PTPRG: variants seen among roughly 807,000 people sequenced by gnomAD.
PTPRG encodes protein tyrosine phosphatase receptor type G.
Under a neutral mutation model 165.3 loss-of-function variants are expected in PTPRG, and 102 were observed. The ratio of observed to expected loss-of-function variants is 0.62; its 90% confidence interval spans 0.53 to 0.73. The LOEUF is 0.73. Ranked by LOEUF, PTPRG falls within the 30% of genes least tolerant of loss-of-function variation. PTPRG has a pLI of 0.00. For missense variants in PTPRG, 1,866 were observed against 1,861.4 expected, an observed-to-expected ratio of 1.00 and a Z score of -0.05; for synonymous variants, 675 against 669.5, an observed-to-expected ratio of 1.01 and a Z score of -0.13.
chr3:61,660,979 G>A (rs190721327), intron 1 of PTPRG, among the ~76,000 whole-genome samples: 17 of 152,200 alleles, frequency 1.1e-4, no homozygotes, highest in African/African-American at 2.4e-4. Flanking sequence ...CTCCAGCCTG[G>A]GCCATAGAGT....
chr3:62,082,958 T>C (rs929193532), intron 5 of PTPRG, among the ~76,000 whole-genome samples: 1 of 152,324 alleles, frequency 6.6e-6, no homozygotes, highest in Admixed American at 6.5e-5. Flanking sequence ...TTTGGGTTTG[T>C]TCCCTATCGA....
chr3:61,833,099 A>G (rs1474755288), intron 2 of PTPRG, among the ~76,000 whole-genome samples: 2 of 104,888 alleles, frequency 1.9e-5, no homozygotes, highest in East Asian at 2.8e-4. Context: ...GTGTGTGTAC[A>G]CAGTTTCTTT....
At chr3:61,642,843 A>T (rs544027723) in intron 1 of PTPRG, among the ~76,000 whole-genome samples, 1 of 152,282 alleles carries the variant, frequency 6.6e-6, no homozygotes, top group African/African-American at 2.4e-5. Context: ...CCATCAATGA[A>T]TTGATGGATC....
At chr3:62,010,904 G>T (rs1410318129) in intron 4 of PTPRG, among the ~76,000 whole-genome samples, 1 of 152,166 alleles carries the variant, frequency 6.6e-6, no homozygotes, top group Non-Finnish European at 1.5e-5. Context: ...AGCTAAGCAA[G>T]GTCCAGGTTC....
At chr3:62,052,032 A>G (rs1700483780) in intron 4 of PTPRG, among the ~76,000 whole-genome samples, 1 of 152,224 alleles carries the variant, frequency 6.6e-6, no homozygotes, top group Admixed American at 6.5e-5. Flanking sequence ...GAGTAAAAAA[A>G]GGATCTAATC....
chr3:61,581,286 G>C (rs1182669497), intron 1 of PTPRG, among the ~76,000 whole-genome samples: 1 of 152,188 alleles, frequency 6.6e-6, no homozygotes, highest in Non-Finnish European at 1.5e-5. Context: ...TGCCACACCT[G>C]TTAATTAGTT....
rs577740461 is a variant in PTPRG at position 62,136,150 on chromosome 3, C to G, written c.682+3482C>G. Among the ~76,000 whole-genome samples the G allele has an allele frequency of 3.3e-5, 5 of 152,294 alleles. No homozygotes were observed. The South Asian group carries it at 1.0e-3, about 32-fold the overall frequency. ...CACACTCCCGTAGTGCTCAGAGATT[C>G]TTACAAACAGTCCTGGCTCATTCTG... On this transcript the variant is annotated intron_variant, in intron 6 of 29. Coordinates refer to ENST00000474889, the MANE Select transcript of PTPRG (RefSeq NM_002841.4).
intron 8 of PTPRG, among the ~76,000 whole-genome samples, chr3:62,172,624 C>G (rs1484183167): frequency 1.3e-5 from 2 of 152,156 alleles, no homozygotes; most frequent in African/African-American, 2.4e-5. Context: ...CCAAAAGATG[C>G]TGACACATCA....
chr3:62,090,701 C>T (rs1457299020), intron 5 of PTPRG, among the ~76,000 whole-genome samples: 2 of 152,190 alleles, frequency 1.3e-5, no homozygotes, highest in Non-Finnish European at 1.5e-5. Flanking sequence ...GCTCATGTGT[C>T]AGCGCCTCTG....
intron 14 of PTPRG, among the ~76,000 whole-genome samples, chr3:62,239,301 T>G (rs1701101705): frequency 6.6e-6 from 1 of 151,982 alleles, no homozygotes; most frequent in Admixed American, 6.6e-5. Flanking sequence ...GCACGCTCAG[T>G]GACACACGTA....
chr3:62,078,324 G>T lies in PTPRG; in HGVS notation c.615+66G>T, dbSNP rs939803252. 3 of 1,158,810 alleles carry T rather than the reference G, an allele frequency of 2.6e-6. No homozygotes were observed. In the Admixed American group the frequency reaches 7.0e-5, roughly 27 times the overall value. The allele number at this position is 1,158,810 out of a possible 1,614,324, so 71.8% of individuals were successfully genotyped here. On this transcript the variant is annotated intron_variant, in intron 5 of 29. Coordinates refer to ENST00000474889, the MANE Select transcript of PTPRG (RefSeq NM_002841.4). ...AGTATTTTTTTTAATTTGCCGAATT[G>T]TTCCATGTTTAATGAATGCATCTGT...
At chr3:61,749,185 C>G (rs187015331) in intron 2 of PTPRG, 2 of 671,738 alleles carry the variant, frequency 3.0e-6, no homozygotes, top group East Asian at 5.7e-5. Flanking sequence ...GTTTCCTCAA[C>G]CTGTTTTCCC....
intron 1 of PTPRG, among the ~76,000 whole-genome samples, chr3:61,709,256 G>C (rs1335657062): frequency 1.3e-5 from 2 of 152,080 alleles, no homozygotes; most frequent in East Asian, 3.9e-4. Flanking sequence ...GGCCATATAT[G>C]GCTTATTGGC....
chr3:61,743,792 C>G (rs1003689413), intron 1 of PTPRG, among the ~76,000 whole-genome samples: 2 of 152,146 alleles, frequency 1.3e-5, no homozygotes, highest in African/African-American at 4.8e-5. Flanking sequence ...TAACCATAGG[C>G]AGATTTACAC....
intron 5 of PTPRG, among the ~76,000 whole-genome samples, chr3:62,090,830 A>G (rs1196133839): frequency 1.3e-5 from 2 of 152,152 alleles, no homozygotes; most frequent in Non-Finnish European, 2.9e-5. Context: ...TGATTCTGAA[A>G]TCCATGTCTG....
intron 23 of PTPRG, among the ~76,000 whole-genome samples, chr3:62,274,568 A>C (rs1473186909): frequency 6.6e-6 from 1 of 152,152 alleles, no homozygotes; most frequent in Non-Finnish European, 1.5e-5. Flanking sequence ...GTATGTAAAT[A>C]GTTTCTCCCT....
intron 2 of PTPRG, among the ~76,000 whole-genome samples, chr3:61,790,520 C>T (rs143855047): frequency 6.6e-6 from 1 of 152,270 alleles, no homozygotes; most frequent in African/African-American, 2.4e-5. Flanking sequence ...GAAAAAGAAC[C>T]ATGGAAAGCA....
chr3:61,672,507 T>A (rs1267296455), intron 1 of PTPRG, among the ~76,000 whole-genome samples: 1 of 148,276 alleles, frequency 6.7e-6, no homozygotes, highest in African/African-American at 2.5e-5. Flanking sequence ...CACTCGCGGT[T>A]AGGAGCTGGA....
chr3:61,596,648 G>C (rs146382338), intron 1 of PTPRG, among the ~76,000 whole-genome samples: 43 of 152,270 alleles, frequency 2.8e-4, no homozygotes, highest in Admixed American at 5.9e-4. Context: ...GTCACTGTGA[G>C]TTGGTGGGAG....
Sources: allele counts gnomAD v4.1 joint callset (sites outside exome capture counted in the v4.1 genomes callset), GRCh38; gene constraint gnomAD v4.1.1; transcripts MANE v1.5; gene names NCBI Gene and HGNC (gene_info 2026-07-23, HGNC 2026-07-21).